The following PKD2L2 variants were observed in gnomAD, a reference collection of about 807,000 sequenced individuals.
The protein encoded by PKD2L2 is polycystin 2 like 2, transient receptor potential cation channel.
Under a neutral mutation model 83.9 loss-of-function variants are expected in PKD2L2, and 67 were observed. The observed-to-expected ratio is 0.80, with a 90% CI of 0.66 to 0.98. The LOEUF (loss-of-function observed/expected upper bound fraction) is 0.98, where lower values mean the gene tolerates loss of function less well. Among genes scored for constraint, PKD2L2 ranks in the 50% least tolerant of loss-of-function variants. PKD2L2 has a pLI of 0.00. For missense variants in PKD2L2, 632 were observed against 717.2 expected, an observed-to-expected ratio of 0.88 and a Z score of 1.36; for synonymous variants, 223 against 237.8, an observed-to-expected ratio of 0.94 and a Z score of 0.57.
intron 12 of PKD2L2, among the ~76,000 whole-genome samples, chr5:137,930,586 C>A (rs1759787781): frequency 6.6e-6 from 1 of 150,602 alleles, no homozygotes; most frequent in South Asian, 2.1e-4. Flanking sequence ...CAGGTGAACA[C>A]CGGGAGGTGG....
At chr5:137,899,222 TCCTCCTA>T (rs978364743) in intron 4 of PKD2L2, among the ~76,000 whole-genome samples, 1 of 152,096 alleles carries the variant, frequency 6.6e-6, no homozygotes, top group Non-Finnish European at 1.5e-5. Context: ...GCCCAAACAA[TCCTCCTA>T]CCTCAGTCTC....
intron 14 of PKD2L2, among the ~76,000 whole-genome samples, chr5:137,936,740 C>G (rs771279612): frequency 6.6e-5 from 10 of 152,348 alleles, no homozygotes; most frequent in Admixed American, 1.3e-4. Context: ...CAGGCGTGAG[C>G]CACCGCACCC....
chr5:137,898,228 A>G (rs1744974546), intron 4 of PKD2L2, among the ~76,000 whole-genome samples: 1 of 152,150 alleles, frequency 6.6e-6, no homozygotes, highest in Non-Finnish European at 1.5e-5. Flanking sequence ...CAGTCTCCCA[A>G]AGTGCTGGGA....
At chr5:137,915,191 G>A (rs540491096) in intron 8 of PKD2L2, among the ~76,000 whole-genome samples, 19 of 151,800 alleles carry the variant, frequency 1.3e-4, no homozygotes, top group Non-Finnish European at 2.5e-4. Flanking sequence ...TTCGAAGATT[G>A]GCATTAATTC....
chr5:137,906,138 T>A, intron 5 of PKD2L2, 68 bp from the exon 6 acceptor site: 1 of 887,478 alleles, frequency 1.1e-6, no homozygotes, highest in East Asian at 2.5e-5. Flanking sequence ...TGATTGAAAA[T>A]TTCACATTAA....
intron 5 of PKD2L2, among the ~76,000 whole-genome samples, chr5:137,904,788 G>C (rs184810530): frequency 2.6e-5 from 4 of 152,262 alleles, no homozygotes; most frequent in South Asian, 2.1e-4. Context: ...CTTTAAATCA[G>C]TGAGCCATTT....
intron 8 of PKD2L2, among the ~76,000 whole-genome samples, chr5:137,912,909 A>G (rs1276340809): frequency 7.0e-6 from 1 of 142,822 alleles, no homozygotes; most frequent in Non-Finnish European, 1.5e-5. Flanking sequence ...GGTTCAAGTG[A>G]TTCTCCTGGC....
chr5:137,942,245 G>A (rs1387414763), intron 14 of PKD2L2, 139 bp from the exon 15 acceptor site: 2 of 581,026 alleles, frequency 3.4e-6, no homozygotes, highest in South Asian at 2.2e-5. Context: ...AGTGAAGTCA[G>A]GGCTCAGAAC....
intron 2 of PKD2L2, among the ~76,000 whole-genome samples, chr5:137,891,201 G>A (rs1353084525): frequency 6.6e-6 from 1 of 152,224 alleles, no homozygotes; most frequent in African/African-American, 2.4e-5. Context: ...CTCACTGGCA[G>A]TATTGTCTCA....
intron 8 of PKD2L2, among the ~76,000 whole-genome samples, chr5:137,918,860 C>G (rs1199148704): frequency 1.1e-5 from 1 of 87,350 alleles, no homozygotes; most frequent in East Asian, 4.1e-4. Context: ...TTTTTTTTTT[C>G]CTGATCCAGA....
chr5:137,917,695 G>C (rs1758505182), intron 8 of PKD2L2, among the ~76,000 whole-genome samples: 1 of 151,326 alleles, frequency 6.6e-6, no homozygotes, highest in African/African-American at 2.4e-5. Flanking sequence ...TTTTCCTTTA[G>C]TTCTTTCAGC....
chr5:137,929,649 T>C (rs958765268), intron 12 of PKD2L2, among the ~76,000 whole-genome samples: 5 of 150,650 alleles, frequency 3.3e-5, no homozygotes, highest in Non-Finnish European at 7.4e-5. Context: ...CAAATAAGCT[T>C]AATTTACTTA....
At chr5:137,890,846 C>T (rs1755909033) in intron 2 of PKD2L2, among the ~76,000 whole-genome samples, 1 of 152,120 alleles carries the variant, frequency 6.6e-6, no homozygotes, top group South Asian at 2.1e-4. Context: ...AGAATTATTC[C>T]TTTCATTTGG....
rs1438272831 is a variant in PKD2L2, at chr5:137,928,807, C to A, written c.1671+2878C>A. ...CTGGCCTTGAACTTCTGGCCTTGAG[C>A]GATCCTCCCGCCTTGGCCTCTGAAA... On this transcript the variant is annotated intron_variant, in intron 12 of 14. Coordinates refer to ENST00000508883, the MANE Select transcript of PKD2L2 (RefSeq NM_001300921.2). Among the ~76,000 whole-genome samples the A allele has an allele frequency of 2.0e-5, 3 of 152,038 alleles. No homozygotes were observed. In the East Asian group the frequency reaches 5.8e-4, roughly 29 times the overall value.
intron 12 of PKD2L2, among the ~76,000 whole-genome samples, chr5:137,929,416 G>A (rs868730866): frequency 2.6e-5 from 4 of 151,122 alleles, no homozygotes; most frequent in Non-Finnish European, 3.0e-5. Context: ...AGCCGAGATC[G>A]GGTCATTGCA....
intron 6 of PKD2L2, 83 bp from the exon 7 acceptor site, chr5:137,907,659 T>A: frequency 1.3e-6 from 1 of 772,466 alleles, no homozygotes; most frequent in Admixed American, 3.2e-5. Flanking sequence ...TTTGATGAAC[T>A]TTTTTTGTGT....
chr5:137,939,884 TAAC>T lies in PKD2L2; in HGVS notation c.*18-2497_*18-2495del. On this transcript the variant is annotated intron_variant, in intron 14 of 14. Coordinates refer to ENST00000508883, the MANE Select transcript of PKD2L2 (RefSeq NM_001300921.2). ...GTAATGAGAAACAAAAAGTTGGTAA[TAAC>T]AAAAAGCTTGCATTTCCAAAGTTCT... 3 of 1,342,096 alleles carry T rather than the reference TAAC, an allele frequency of 2.2e-6. No homozygotes were observed. In the South Asian group the frequency reaches 6.6e-5, roughly 29 times the overall value. 83.1% of individuals were successfully genotyped at this position (1,342,096 alleles called of 1,614,324 possible).
chr5:137,934,740 A>G (rs2150064716), intron 12 of PKD2L2, among the ~76,000 whole-genome samples: 1 of 152,256 alleles, frequency 6.6e-6, no homozygotes, highest in East Asian at 1.9e-4. Flanking sequence ...TGAACCCGGG[A>G]GGGGTGGTTA....
At chr5:137,919,322 A>C (rs1758678805) in intron 8 of PKD2L2, among the ~76,000 whole-genome samples, 1 of 152,342 alleles carries the variant, frequency 6.6e-6, no homozygotes, top group South Asian at 2.1e-4. Context: ...AATTAAGAAA[A>C]GAGACACTGT....
Sources: allele counts gnomAD v4.1 joint callset (sites outside exome capture counted in the v4.1 genomes callset), GRCh38; gene constraint gnomAD v4.1.1; transcripts MANE v1.5; gene names NCBI Gene and HGNC (gene_info 2026-07-23, HGNC 2026-07-21).